MCOLN2: variants seen among roughly 807,000 people sequenced by gnomAD.
The protein encoded by MCOLN2 is mucolipin-2.
Under a neutral mutation model 67.5 loss-of-function variants are expected in MCOLN2, and 57 were observed. That is an observed-to-expected ratio of 0.84 (90% confidence interval 0.68 to 1.05). The LOEUF (loss-of-function observed/expected upper bound fraction) is 1.05, where lower values mean the gene tolerates loss of function less well. Among genes scored for constraint, MCOLN2 ranks in the 50% least tolerant of loss-of-function variants. MCOLN2 has a pLI of 0.00. For synonymous variants in MCOLN2, 246 were observed against 233.3 expected (o/e 1.05, Z -0.50); for missense variants, 620 against 678.8 (o/e 0.91, Z 0.96).
intron 7 of MCOLN2, among the ~76,000 whole-genome samples, chr1:84,944,802 G>A (rs1048402925): frequency 5.9e-5 from 9 of 152,274 alleles, no homozygotes; most frequent in African/African-American, 1.2e-4. Context: ...GGGGGTAAGC[G>A]TGTGGGTGTG....
chr1:84,973,913 C>T (rs1649865149), intron 1 of MCOLN2, among the ~76,000 whole-genome samples: 1 of 152,152 alleles, frequency 6.6e-6, no homozygotes, highest in African/African-American at 2.4e-5. Flanking sequence ...AAAAACAGTC[C>T]TGAAGCACTG....
At chr1:84,929,963 T>C (rs1252125100) in intron 12 of MCOLN2, 2 of 226,912 alleles carry the variant, frequency 8.8e-6, no homozygotes, top group Non-Finnish European at 1.8e-5. Flanking sequence ...AAGGAAATAA[T>C]CAAAAGTCAA....
In MCOLN2 at chr1:84,927,770, T is replaced by G. The variant is rs577612787; in HGVS notation, c.1665-1049A>C. ...CACAGCCTTCCTCAATTTTAGTCCA[T>G]TCTTCTGTCCCTAGCTTTTATTTTA... On this transcript the variant is annotated intron_variant, in intron 13 of 13. Transcript: ENST00000370608. Among the ~76,000 whole-genome samples the G allele has an allele frequency of 2.6e-5, 4 of 152,320 alleles. No individual in the cohort carries two copies. The South Asian group carries it at 8.3e-4, about 32-fold the overall frequency.
At position 84,939,678 on chromosome 1, in the gene MCOLN2, T is replaced by A. The variant is rs372812492; in HGVS notation, c.985A>T (p.Lys329Ter). 175 of 1,613,982 alleles carry A rather than the reference T, an allele frequency of 1.1e-4. No individual in the cohort carries two copies. In the East Asian group the frequency reaches 2.1e-3, roughly 20 times the overall value. Residue 329 changes from lysine to a stop codon, truncating the protein, a stop_gained, in exon 9 of 14, where the codon AAG (lysine) becomes TAG (stop). Transcript: ENST00000370608. LOFTEE classifies it high-confidence loss of function. ...GTGTCACACACAGGCCGCTTGTACT[T>A]CTCCAGGAAGAAATTTAGAAATCTC... is the stretch of plus-strand genomic sequence containing the variant. Reference protein sequence around the residue: ...RKRFLNFFLEKYKRPVCDTDQ... With the variant: ...RKRFLNFFLE
intron 1 of MCOLN2, among the ~76,000 whole-genome samples, chr1:84,967,459 A>T (rs1009080364): frequency 5.3e-5 from 8 of 152,330 alleles, no homozygotes; most frequent in African/African-American, 9.6e-5. Flanking sequence ...TACTGGAAAT[A>T]TGTAAGTGAC....
intron 1 of MCOLN2, among the ~76,000 whole-genome samples, chr1:84,986,679 T>A (rs1273243497): frequency 1.3e-5 from 2 of 149,422 alleles, no homozygotes; most frequent in African/African-American, 4.9e-5. Context: ...GGAACTCAAA[T>A]CAGCAAGAAA....
At chr1:84,952,178 T>G in intron 6 of MCOLN2, 65 bp downstream of exon 6, 1 of 1,071,820 alleles carries the variant, frequency 9.3e-7, no homozygotes, top group Non-Finnish European at 1.4e-6. Flanking sequence ...TGTTTTATAC[T>G]CTGCATCAAC....
chr1:84,987,529 C>CGT (rs1650631650), intron 1 of MCOLN2, among the ~76,000 whole-genome samples: 1 of 11,220 alleles, frequency 8.9e-5, no homozygotes, highest in African/African-American at 2.6e-4. Context: ...TATATGTATA[C>CGT]ATCTATGTAT....
In MCOLN2 at chr1:84,956,151, AG is replaced by A. The variant is rs1255398877; in HGVS notation, c.565+279del. On this transcript the variant is annotated intron_variant, in intron 4 of 13. Transcript: ENST00000370608. ...TCAGAAAGCCTAATCACCCCTTCAT[AG>A]GGAAAAAAAAACAAAAAACAGGACC... Among the ~76,000 whole-genome samples the A allele has an allele frequency of 3.1e-5, 4 of 130,556 alleles. No homozygotes were observed. In the East Asian group the frequency reaches 9.2e-4, roughly 30 times the overall value. 85.6% of individuals were successfully genotyped at this position (130,556 alleles called of 152,430 possible). A position where few individuals can be genotyped will look rare whatever the true frequency, so the allele number is the denominator to read the frequency against.
intron 4 of MCOLN2, among the ~76,000 whole-genome samples, 183 bp downstream of exon 4, chr1:84,956,248 T>C (rs1244041847): frequency 6.6e-6 from 1 of 152,066 alleles, no homozygotes; most frequent in African/African-American, 2.4e-5. Context: ...CCCTGTCCCA[T>C]CGCCACAACC....
intron 11 of MCOLN2, among the ~76,000 whole-genome samples, chr1:84,932,079 C>T (rs1647215489): frequency 6.6e-6 from 1 of 151,982 alleles, no homozygotes; most frequent in Non-Finnish European, 1.5e-5. Context: ...AAGTTAATCT[C>T]TTAACAATTC....
At chr1:84,967,134 G>A (rs1354037317) in intron 1 of MCOLN2, among the ~76,000 whole-genome samples, 3 of 152,138 alleles carry the variant, frequency 2.0e-5, no homozygotes, top group Non-Finnish European at 4.4e-5. Flanking sequence ...CTGTGAGTCC[G>A]GAGTTCCTAA....
chr1:84,953,550 CAA>C lies in MCOLN2; in HGVS notation c.566-1022_566-1021del, dbSNP rs138750958. Among the ~76,000 whole-genome samples, 270 of 118,358 alleles carry C rather than the reference CAA, an allele frequency of 2.3e-3. 1 individual carries two copies. Among genetic ancestry groups the C allele is most frequent in the East Asian group, 6.7e-3 (26 of 3,900 alleles). The allele number at this position is 118,358 out of a possible 152,430, so 77.6% of individuals were successfully genotyped here. On this transcript the variant is annotated intron_variant, in intron 4 of 13. Coordinates refer to ENST00000370608, the MANE Select transcript of MCOLN2 (RefSeq NM_153259.4). Reference sequence around the variant, plus strand: ...GGGCGACAAGAACGAAACTCTATCTCAAAAAAAAAAAAAAAAAATGTTAGTAT... The same window carrying C: ...GGGCGACAAGAACGAAACTCTATCTCAAAAAAAAAAAAAAAATGTTAGTAT...
At chr1:84,986,065 A>G (rs180749276) in intron 1 of MCOLN2, among the ~76,000 whole-genome samples, 1 of 152,348 alleles carries the variant, frequency 6.6e-6, no homozygotes, top group East Asian at 1.9e-4. Context: ...ACAGTCACCA[A>G]AACAGCATGG....
intron 1 of MCOLN2, among the ~76,000 whole-genome samples, chr1:84,977,262 A>G (rs963159466): frequency 6.6e-6 from 1 of 152,186 alleles, no homozygotes; most frequent in Non-Finnish European, 1.5e-5. Context: ...CACAAAAAGT[A>G]GAGCAAGAAA....
chr1:84,958,930 C>G (rs934109272), intron 2 of MCOLN2, among the ~76,000 whole-genome samples: 2 of 152,122 alleles, frequency 1.3e-5, no homozygotes, highest in Non-Finnish European at 2.9e-5. Flanking sequence ...GATTACTGCT[C>G]CCAATGACTA....
intron 2 of MCOLN2, among the ~76,000 whole-genome samples, chr1:84,964,385 A>G (rs1431394221): frequency 6.6e-6 from 1 of 152,174 alleles, no homozygotes; most frequent in African/African-American, 2.4e-5. Context: ...TTATTTGCCA[A>G]TAGAGCCAAA....
At chr1:84,960,761 TC>T (rs1649045000) in intron 2 of MCOLN2, among the ~76,000 whole-genome samples, 1 of 152,182 alleles carries the variant, frequency 6.6e-6, no homozygotes, top group African/African-American at 2.4e-5. Context: ...CATGATTGCT[TC>T]AAAGTTTTAT....
intron 2 of MCOLN2, among the ~76,000 whole-genome samples, chr1:84,963,894 T>C (rs897963189): frequency 6.6e-6 from 1 of 152,230 alleles, no homozygotes; most frequent in Non-Finnish European, 1.5e-5. Context: ...GGCAATGATA[T>C]TTTATGCCTG....
Sources: allele counts gnomAD v4.1 joint callset (sites outside exome capture counted in the v4.1 genomes callset), GRCh38; gene constraint gnomAD v4.1.1; transcripts MANE v1.5; gene names NCBI Gene and HGNC (gene_info 2026-07-23, HGNC 2026-07-21).